MANSC4: variants seen among roughly 807,000 people sequenced by gnomAD.
The protein encoded by MANSC4 is MANSC domain-containing protein 4.
Under a neutral mutation model 11.4 loss-of-function variants are expected in MANSC4, and 11 were observed. That is an observed-to-expected ratio of 0.97 (90% CI 0.61 to 1.60). The LOEUF (loss-of-function observed/expected upper bound fraction) is 1.60. Among genes scored for constraint, MANSC4 ranks in the 40% most tolerant of loss-of-function variants. MANSC4 has a pLI of 0.00. For missense variants in MANSC4, 354 were observed against 404.6 expected, an observed-to-expected ratio of 0.88 and a Z score of 1.07; for synonymous variants, 123 against 147.1, an observed-to-expected ratio of 0.84 and a Z score of 1.19.
chr12:27,766,738 A>G lies in MANSC4; in HGVS notation c.291T>C (p.His97=), dbSNP rs762859175. Residue 97 remains histidine (H), a synonymous_variant, in exon 3 of 4, where the codon CAT becomes CAC. Transcript: ENST00000381273. ...SPIHDNINCL[H]VHCPTLESCI... is the part of the protein sequence containing the mutation. ...AGCTCTCCAGTGTTGGGCAGTGAAC[A>G]TGGAGGCAGTTGATATTGTCATGAA... 2.0e-4 allele frequency: 311 copies of G among 1,551,568 alleles called. No homozygotes were observed. Among genetic ancestry groups the G allele is most frequent in the Non-Finnish European group, 2.7e-4 (307 of 1,146,958 alleles).
At chr12:27,767,532 C>T (rs2062077854) in intron 2 of MANSC4, among the ~76,000 whole-genome samples, 1 of 151,892 alleles carries the variant, frequency 6.6e-6, no homozygotes, top group Admixed American at 6.6e-5. Context: ...GGAGAAACCC[C>T]GTGTCTACTA....
At position 27,775,024 on chromosome 12, in the gene MANSC4, A is replaced by AAAT. The variant is rs2062114438; in HGVS notation, c.-306-3443_-306-3442insATT. Among the ~76,000 whole-genome samples, 74 of 112,800 alleles carry AAAT rather than the reference A, an allele frequency of 6.6e-4. 2 individuals are homozygous for AAAT. The highest frequency in any genetic ancestry group is 2.6e-3 in the East Asian group (9 of 3,526). 74.0% of individuals were successfully genotyped at this position (112,800 alleles called of 152,430 possible). A position where few individuals can be genotyped will look rare whatever the true frequency, so the allele number is the denominator to read the frequency against. ...GGGCGACAGAGCGAGATTCCGTCTC[A>AAAT]AAATAAATAAATAAATAAATAAATA... On this transcript the variant is annotated intron_variant, in intron 1 of 3. Coordinates refer to ENST00000381273, the MANE Select transcript of MANSC4 (RefSeq NM_001146221.5).
chr12:27,774,319 A>T (rs1333115704), intron 1 of MANSC4, among the ~76,000 whole-genome samples: 2 of 152,178 alleles, frequency 1.3e-5, no homozygotes, highest in African/African-American at 2.4e-5. Flanking sequence ...CCTTTAATTA[A>T]TTATTTATTT....
At chr12:27,764,194 C>G (rs1438684914) in intron 3 of MANSC4, among the ~76,000 whole-genome samples, 1 of 152,162 alleles carries the variant, frequency 6.6e-6, no homozygotes, top group African/African-American at 2.4e-5. Flanking sequence ...TTCCCTCTAA[C>G]TTCAGACATG....
intron 3 of MANSC4, among the ~76,000 whole-genome samples, chr12:27,764,405 GC>G (rs1001231452): frequency 6.6e-6 from 1 of 152,120 alleles, no homozygotes; most frequent in African/African-American, 2.4e-5. Flanking sequence ...CCTTGATGCT[GC>G]CGGCCACCTT....
intron 3 of MANSC4, 44 bp downstream of exon 3, chr12:27,766,621 T>C: frequency 6.5e-7 from 1 of 1,538,708 alleles, no homozygotes; most frequent in Non-Finnish European, 8.8e-7. Flanking sequence ...TCTACTAGAA[T>C]ATCGCCAGCA....
In MANSC4 at chr12:27,762,923, C is replaced by T; in HGVS notation, c.838G>A (p.Val280Met). ...GAAACCAGCCAAGTCTTTGAAGTCA[C>T]AGATACCTCATCTTCATTTGCAGAT... ...HTSANEDEVSVTSKTWLVSVA... is the reference protein window; with the variant it reads ...HTSANEDEVSMTSKTWLVSVA... The change falls in exon 4 of 4, where the codon GTG becomes ATG. Residue 280 changes from valine to methionine, a missense_variant. By Grantham distance (21) the Val-to-Met change is conservative. Transcript: ENST00000381273. 6.4e-7 allele frequency: 1 copy of T among 1,552,144 alleles called. No homozygotes were observed. Among genetic ancestry groups the T allele is most frequent in the Non-Finnish European group, 8.7e-7 (1 of 1,147,120 alleles).
chr12:27,780,215 C>A lies in MANSC4; in HGVS notation c.-312G>T. The A allele has an allele frequency of 1.0e-6, 1 of 1,001,118 alleles. No individual in the cohort carries two copies. Among genetic ancestry groups the A allele is most frequent in the Non-Finnish European group, 1.3e-6 (1 of 764,736 alleles). 62.0% of individuals were successfully genotyped at this position (1,001,118 alleles called of 1,614,324 possible). ...CGAGCGCGGGCGGCCCTCACCTCGC[C>A]GCTCCTCCCGGGCCGCCATCCCTCG... On this transcript the variant is annotated 5_prime_UTR_variant, in exon 1 of 4. Coordinates refer to ENST00000381273, the MANE Select transcript of MANSC4 (RefSeq NM_001146221.5). This position sits in a 1 kb window ranked among gnomAD's most constrained non-coding sequence, Gnocchi z 8.8.
chr12:27,778,695 C>T (rs1301263298), intron 1 of MANSC4, among the ~76,000 whole-genome samples: 1 of 152,052 alleles, frequency 6.6e-6, no homozygotes, highest in Non-Finnish European at 1.5e-5. Context: ...GTGAACACAC[C>T]CTCTGCTTCC....
intron 1 of MANSC4, among the ~76,000 whole-genome samples, chr12:27,774,987 G>A (rs1337630823): frequency 2.0e-5 from 3 of 151,954 alleles, no homozygotes; most frequent in African/African-American, 7.3e-5. Flanking sequence ...TCGCGCCACT[G>A]CACTCCAGCC....
chr12:27,762,703 A>G lies in MANSC4; in HGVS notation c.*35T>C. Reference sequence around the variant, plus strand: ...TTTCTTACACAAAACTAAAAATGATATCCTTGAAAGCATATAATCTTGCTA... The same window carrying G: ...TTTCTTACACAAAACTAAAAATGATGTCCTTGAAAGCATATAATCTTGCTA... On this transcript the variant is annotated 3_prime_UTR_variant, in exon 4 of 4. Coordinates refer to ENST00000381273, the MANE Select transcript of MANSC4 (RefSeq NM_001146221.5). 1 of 1,442,742 alleles carries G rather than the reference A, an allele frequency of 6.9e-7. No homozygotes were observed. The allele number at this position is 1,442,742 out of a possible 1,614,324, so 89.4% of individuals were successfully genotyped here.
intron 1 of MANSC4, among the ~76,000 whole-genome samples, chr12:27,775,634 TTGTGCAATCCTCCCGCCC>T (rs1460296933): frequency 1.3e-5 from 2 of 152,182 alleles, no homozygotes; most frequent in Non-Finnish European, 1.5e-5. Context: ...AACTCCTGGC[TTGTGCAATCCTCCCGCCC>T]TGGCCTCCCA....
intron 1 of MANSC4, among the ~76,000 whole-genome samples, chr12:27,777,501 G>C (rs1228401590): frequency 6.6e-6 from 1 of 152,182 alleles, no homozygotes; most frequent in Non-Finnish European, 1.5e-5. Flanking sequence ...GCTGCTAAAT[G>C]CTTGATCACT....
intron 3 of MANSC4, among the ~76,000 whole-genome samples, chr12:27,765,773 A>C (rs1036877372): frequency 6.6e-6 from 1 of 152,222 alleles, no homozygotes; most frequent in Admixed American, 6.5e-5. Flanking sequence ...TGTTCAATAC[A>C]TACAAACTGA....
At chr12:27,778,923 C>G (rs755328241) in intron 1 of MANSC4, among the ~76,000 whole-genome samples, 3 of 152,238 alleles carry the variant, frequency 2.0e-5, no homozygotes, top group African/African-American at 7.2e-5. Flanking sequence ...GGCTGGAGTG[C>G]AGTGGCGCGA....
At chr12:27,766,884 C>T (rs2062074747) in intron 2 of MANSC4, 85 bp from the exon 3 acceptor site, 1 of 1,412,204 alleles carries the variant, frequency 7.1e-7, no homozygotes, top group Non-Finnish European at 9.6e-7. Context: ...AGATTTGTTT[C>T]AGGAATACTG....
chr12:27,776,673 G>A lies in MANSC4; in HGVS notation c.-307+3537C>T, dbSNP rs547783083. Among the ~76,000 whole-genome samples, 420 of 152,192 alleles carry A rather than the reference G, an allele frequency of 2.8e-3. 3 individuals are homozygous for A. Among genetic ancestry groups the A allele is most frequent in the African/African-American group, 9.8e-3 (406 of 41,514 alleles). On this transcript the variant is annotated intron_variant, in intron 1 of 3. Coordinates refer to ENST00000381273, the MANE Select transcript of MANSC4 (RefSeq NM_001146221.5). Reference sequence around the variant, plus strand: ...TGAACCTGGGAGGCCTCTGGGAGGAGCACTTGAACCTGGGAGGCTTCATTG... The same window carrying A: ...TGAACCTGGGAGGCCTCTGGGAGGAACACTTGAACCTGGGAGGCTTCATTG...
Position 27,763,312 on chromosome 12 carries a change from C to A in MANSC4, c.449G>T (p.Arg150Met). The A allele has an allele frequency of 6.4e-7, 1 of 1,551,720 alleles. No homozygotes were observed. Among genetic ancestry groups the A allele is most frequent in the South Asian group, 1.2e-5 (1 of 84,048 alleles). Reference protein sequence around the residue: ...RSSSNRWDRLRILKAMNLDKQ... With the variant: ...RSSSNRWDRLMILKAMNLDKQ... ...ATCTAAATTCATAGCTTTTAGAATC[C>A]TTAGTCTGTCCCATCTATTGGATGA... is the stretch of plus-strand genomic sequence containing the variant. Residue 150 changes from arginine to methionine, a missense_variant, in exon 4 of 4, where the codon AGG (arginine) becomes ATG (methionine). Physicochemically the swap from Arg to Met is moderately conservative, Grantham distance 91 (BLOSUM62 -1). Transcript: ENST00000381273.
chr12:27,772,485 T>C (rs2062104858), intron 1 of MANSC4, among the ~76,000 whole-genome samples: 1 of 152,246 alleles, frequency 6.6e-6, no homozygotes, highest in Admixed American at 6.5e-5. Flanking sequence ...TTATTACATA[T>C]CTTTTTATTT....
Sources: gnomAD v4.1 joint callset for allele counts (sites outside exome capture counted in the v4.1 genomes callset) on GRCh38, gnomAD v4.1.1 for gene constraint, Gnocchi (gnomAD v3.1) non-coding constraint, MANE v1.5 for transcripts, NCBI Gene and HGNC (gene_info 2026-07-23, HGNC 2026-07-21) for gene names.